Variants in KCNIP4 observed in about 807,000 individuals in gnomAD.
The protein encoded by KCNIP4 is Kv channel-interacting protein 4.
Under a neutral mutation model 34.0 loss-of-function variants are expected in KCNIP4, and 12 were observed. The ratio of observed to expected loss-of-function variants is 0.35; its 90% CI spans 0.23 to 0.57. The LOEUF is 0.57. KCNIP4 is among the 20% of genes least tolerant of loss of function. KCNIP4 has a pLI of 0.83. For missense variants in KCNIP4, 238 were observed against 311.7 expected, an observed-to-expected ratio of 0.76 and a Z score of 1.78; for synonymous variants, 124 against 102.2, an observed-to-expected ratio of 1.21 and a Z score of -1.29.
chr4:21,578,848 T>C (rs969544299), intron 1 of KCNIP4, among the ~76,000 whole-genome samples: 1 of 152,204 alleles, frequency 6.6e-6, no homozygotes, highest in Non-Finnish European at 1.5e-5. Context: ...AGTCCTTCTC[T>C]GTGATATTGC....
At chr4:21,589,191 T>C (rs1305511552) in intron 1 of KCNIP4, among the ~76,000 whole-genome samples, 2 of 53,642 alleles carry the variant, frequency 3.7e-5, no homozygotes, top group Non-Finnish European at 3.8e-5. Context: ...TATATATATA[T>C]ATATATATAT....
At chr4:21,522,244 A>T (rs1735592522) in intron 1 of KCNIP4, among the ~76,000 whole-genome samples, 1 of 152,166 alleles carries the variant, frequency 6.6e-6, no homozygotes, top group Non-Finnish European at 1.5e-5. Context: ...GAAAAAAAAA[A>T]TTGCAGGCAC....
At chr4:21,812,894 G>A (rs1375992801) in intron 1 of KCNIP4, among the ~76,000 whole-genome samples, 1 of 152,084 alleles carries the variant, frequency 6.6e-6, no homozygotes, top group African/African-American at 2.4e-5. Context: ...TAGTGCTTGG[G>A]ATATAGGATT....
intron 1 of KCNIP4, among the ~76,000 whole-genome samples, chr4:20,886,067 G>A (rs921536849): frequency 7.2e-5 from 11 of 152,124 alleles, no homozygotes; most frequent in African/African-American, 2.2e-4. Context: ...TATTTGACAC[G>A]TCTTCCCTAC....
chr4:20,912,307 A>AC (rs1381387672), intron 1 of KCNIP4, among the ~76,000 whole-genome samples: 1 of 152,196 alleles, frequency 6.6e-6, no homozygotes, highest in Non-Finnish European at 1.5e-5. Flanking sequence ...CCACACACAC[A>AC]AAAAATTAGA....
rs190286084 is a variant in KCNIP4, at chr4:21,272,825, T to C, written c.62-390116A>G. 4.9e-3 allele frequency among the ~76,000 whole-genome samples: 752 copies of C among 152,328 alleles called. 5 individuals carry two copies. Among genetic ancestry groups the C allele is most frequent in the African/African-American group, 0.017 (721 of 41,578 alleles). Reference sequence around the variant, plus strand: ...CCATTAGGATGATGAAATGTATATATGCTAATGGAATTCTAAGGTTCTCTG... The same window carrying C: ...CCATTAGGATGATGAAATGTATATACGCTAATGGAATTCTAAGGTTCTCTG... On this transcript the variant is annotated intron_variant, in intron 1 of 8. Coordinates refer to ENST00000382152, the MANE Select transcript of KCNIP4 (RefSeq NM_025221.6).
rs185794352 is a variant in KCNIP4, at chr4:21,672,317, C to T, written c.61+276254G>A. Reference sequence around the variant, plus strand: ...AAAACAAAACAAAAAGATACTGGTTCTGTAACACATCTGCTGTGAGACCAT... The same window carrying T: ...AAAACAAAACAAAAAGATACTGGTTTTGTAACACATCTGCTGTGAGACCAT... On this transcript the variant is annotated intron_variant, in intron 1 of 8. Coordinates refer to ENST00000382152, the MANE Select transcript of KCNIP4 (RefSeq NM_025221.6). Among the ~76,000 whole-genome samples the T allele has an allele frequency of 3.6e-3, 547 of 152,104 alleles. 3 individuals carry two copies. The highest frequency in any genetic ancestry group is 0.012 in the African/African-American group (493 of 41,424).
chr4:20,855,543 T>C (rs1721484964), intron 2 of KCNIP4, among the ~76,000 whole-genome samples: 1 of 152,104 alleles, frequency 6.6e-6, no homozygotes, highest in African/African-American at 2.4e-5. Context: ...CTAACATCTG[T>C]TCCTCCTTAC....
chr4:20,872,713 C>T (rs1723614938), intron 2 of KCNIP4, among the ~76,000 whole-genome samples: 1 of 152,196 alleles, frequency 6.6e-6, no homozygotes, highest in South Asian at 2.1e-4. Flanking sequence ...ATTTATCTAA[C>T]AGTCTACACA....
intron 1 of KCNIP4, among the ~76,000 whole-genome samples, chr4:21,722,553 T>C (rs1302304080): frequency 6.6e-6 from 1 of 152,172 alleles, no homozygotes; most frequent in Non-Finnish European, 1.5e-5. Flanking sequence ...AAAGTTTTCT[T>C]ACTTTCAGTT....
At chr4:21,057,452 C>A (rs1055616647) in intron 1 of KCNIP4, among the ~76,000 whole-genome samples, 20 of 151,932 alleles carry the variant, frequency 1.3e-4, no homozygotes, top group African/African-American at 4.8e-4. Context: ...AATTTTTTTT[C>A]AAATAATTTC....
chr4:21,688,457 T>C (rs778041846), intron 1 of KCNIP4, among the ~76,000 whole-genome samples: 2 of 152,156 alleles, frequency 1.3e-5, no homozygotes, highest in African/African-American at 4.8e-5. Context: ...CTGATCTACC[T>C]GAGATAAAAC....
chr4:21,402,297 A>T (rs991288034), intron 1 of KCNIP4, among the ~76,000 whole-genome samples: 1 of 152,218 alleles, frequency 6.6e-6, no homozygotes, highest in Non-Finnish European at 1.5e-5. Context: ...GCAAATTCAG[A>T]TTTCTTCAGT....
chr4:21,631,989 C>T (rs970443993), intron 1 of KCNIP4, among the ~76,000 whole-genome samples: 1 of 152,188 alleles, frequency 6.6e-6, no homozygotes, highest in African/African-American at 2.4e-5. Flanking sequence ...ATTATGCCAT[C>T]TTTTATCAGG....
At chr4:21,005,297 T>C (rs574361266) in intron 1 of KCNIP4, among the ~76,000 whole-genome samples, 1 of 152,306 alleles carries the variant, frequency 6.6e-6, no homozygotes, top group African/African-American at 2.4e-5. Flanking sequence ...GGCCACGTGT[T>C]TTCCCTGCTT....
chr4:21,257,650 T>A (rs1359725952), intron 1 of KCNIP4, among the ~76,000 whole-genome samples: 1 of 151,150 alleles, frequency 6.6e-6, no homozygotes, highest in Non-Finnish European at 1.5e-5. Flanking sequence ...CTCGGGAGGC[T>A]GAGACAGAAG....
At chr4:21,862,805 CA>C (rs1177389936) in intron 1 of KCNIP4, among the ~76,000 whole-genome samples, 1 of 151,948 alleles carries the variant, frequency 6.6e-6, no homozygotes, top group Non-Finnish European at 1.5e-5. Context: ...ACTAAAAATA[CA>C]AAAAATTAGC....
chr4:20,973,898 A>C (rs143030271), intron 1 of KCNIP4, among the ~76,000 whole-genome samples: 1 of 152,260 alleles, frequency 6.6e-6, no homozygotes, highest in East Asian at 1.9e-4. Flanking sequence ...TCCTAATCTG[A>C]ACTCGATTAT....
At chr4:21,946,064 T>C (rs1730497310) in intron 1 of KCNIP4, among the ~76,000 whole-genome samples, 1 of 150,534 alleles carries the variant, frequency 6.6e-6, no homozygotes. Flanking sequence ...CTTTTTAAAC[T>C]AAATTATTAT....
Sources: gnomAD v4.1 joint callset for allele counts (sites outside exome capture counted in the v4.1 genomes callset) on GRCh38, gnomAD v4.1.1 for gene constraint, MANE v1.5 for transcripts, NCBI Gene and HGNC (gene_info 2026-07-23, HGNC 2026-07-21) for gene names.